The following TMEM74 variants were observed in gnomAD, a reference collection of about 807,000 sequenced individuals.
The protein encoded by TMEM74 is transmembrane protein 74.
A neutral mutation model predicts 18.1 loss-of-function variants in TMEM74; 13 were observed. The ratio of observed to expected loss-of-function variants is 0.72; its 90% CI spans 0.47 to 1.14. The LOEUF is 1.14. Ranked by LOEUF, TMEM74 falls within the 50% of genes most tolerant of loss-of-function variation. The pLI, the probability that TMEM74 is intolerant of heterozygous loss-of-function variation, is 0.00. For synonymous variants in TMEM74, 159 were observed against 146.6 expected (o/e 1.08, Z -0.61); for missense variants, 372 against 375.9 (o/e 0.99, Z 0.09).
intron 2 of TMEM74, among the ~76,000 whole-genome samples, chr8:108,639,518 G>A (rs1812641922): frequency 6.6e-6 from 1 of 152,054 alleles, no homozygotes; most frequent in South Asian, 2.1e-4. Context: ...CTTCTGAAAG[G>A]GCAGACATGA....
intron 1 of TMEM74, among the ~76,000 whole-genome samples, chr8:108,720,757 A>T (rs116231492): frequency 0.015 from 765 of 49,536 alleles, 10 homozygotes; most frequent in African/African-American, 0.047. Context: ...TTTATTTATT[A>T]GTTTGTTTGT....
chr8:108,739,326 T>G (rs1271768020), intron 1 of TMEM74, among the ~76,000 whole-genome samples: 2 of 152,172 alleles, frequency 1.3e-5, no homozygotes, highest in Non-Finnish European at 2.9e-5. Flanking sequence ...TACAGTCTCA[T>G]GGTGCATTCT....
At chr8:108,665,742 A>G (rs1471352067) in intron 1 of TMEM74, among the ~76,000 whole-genome samples, 1 of 152,154 alleles carries the variant, frequency 6.6e-6, no homozygotes, top group Non-Finnish European at 1.5e-5. Flanking sequence ...GCAAAGGCTT[A>G]ATACTTCTTT....
chr8:108,771,043 C>A (rs966414652), intron 1 of TMEM74, among the ~76,000 whole-genome samples: 58 of 152,156 alleles, frequency 3.8e-4, no homozygotes, highest in African/African-American at 1.4e-3. Context: ...TAACTGAGTT[C>A]TTCAGGTTGC....
intron 1 of TMEM74, among the ~76,000 whole-genome samples, chr8:108,667,800 C>T (rs1812963788): frequency 6.6e-6 from 1 of 152,114 alleles, no homozygotes; most frequent in Non-Finnish European, 1.5e-5. Context: ...TACCTACACC[C>T]TCCCAGCCCC....
chr8:108,749,529 A>G (rs1368094375), intron 1 of TMEM74, among the ~76,000 whole-genome samples: 2 of 152,180 alleles, frequency 1.3e-5, no homozygotes, highest in African/African-American at 4.8e-5. Context: ...GAAGTTGCCT[A>G]TCAGCTTAAG....
chr8:108,700,772 A>G (rs1255256179), intron 1 of TMEM74, among the ~76,000 whole-genome samples: 1 of 152,212 alleles, frequency 6.6e-6, no homozygotes, highest in African/African-American at 2.4e-5. Context: ...GAAGTGAGTG[A>G]CTGTGCTCAG....
At chr8:108,787,418 C>T (rs1156556803) in intron 1 of TMEM74, 58 bp downstream of exon 1, 2 of 152,380 alleles carry the variant, frequency 1.3e-5, no homozygotes, top group African/African-American at 4.8e-5. Context: ...CTGCTAGGCT[C>T]CAGGGCTCTC....
rs1258418791 is a variant in TMEM74, at chr8:108,780,438, C to A, written c.*3743G>T. Reference sequence around the variant, plus strand: ...AAAAAATAGAGCCATTGGGTTCAGGCTTTTAATTCTCAATATTTAACTAGC... The same window carrying A: ...AAAAAATAGAGCCATTGGGTTCAGGATTTTAATTCTCAATATTTAACTAGC... On this transcript the variant is annotated 3_prime_UTR_variant, in exon 2 of 2. Coordinates refer to ENST00000297459, the MANE Select transcript of TMEM74 (RefSeq NM_153015.3). 6.6e-6 allele frequency among the ~76,000 whole-genome samples: 1 copy of A among 152,110 alleles called. No individual in the cohort carries two copies. Among genetic ancestry groups the A allele is most frequent in the Non-Finnish European group, 1.5e-5 (1 of 68,010 alleles).
chr8:108,739,458 C>A (rs1197699136), intron 1 of TMEM74, among the ~76,000 whole-genome samples: 1 of 152,176 alleles, frequency 6.6e-6, no homozygotes, highest in Non-Finnish European at 1.5e-5. Context: ...ACAGTTCAGA[C>A]CCTTGGGGTG....
In TMEM74 at chr8:108,784,507, C is replaced by T. The variant is rs919206777; in HGVS notation, c.592G>A (p.Val198Ile). The T allele has an allele frequency of 3.7e-6, 6 of 1,614,010 alleles. No individual in the cohort carries two copies. The highest frequency in any genetic ancestry group is 2.7e-5 in the African/African-American group (2 of 74,888). Residue 198 changes from valine to isoleucine, a missense_variant, in exon 2 of 2, where the codon GTC becomes ATC. Coordinates refer to ENST00000297459, the MANE Select transcript of TMEM74 (RefSeq NM_153015.3). ...GILLVIISYI[V>I]PREVTVDPNT... is the part of the protein sequence containing the mutation. ...GGGTCCACAGTCACTTCCCGTGGGA[C>T]GATGTAAGAGATGATCACGAGCAGG... is the stretch of plus-strand genomic sequence containing the variant.
At chr8:108,626,503 C>T (rs975999924) in intron 2 of TMEM74, 5 of 151,978 alleles carry the variant, frequency 3.3e-5, no homozygotes, top group African/African-American at 1.2e-4. Context: ...AAGAGCAAGT[C>T]GTTTATTGGT....
chr8:108,729,323 T>G (rs907830577), intron 1 of TMEM74, among the ~76,000 whole-genome samples: 1 of 152,180 alleles, frequency 6.6e-6, no homozygotes, highest in Non-Finnish European at 1.5e-5. Flanking sequence ...CAATGATTGG[T>G]CAAGTCCCTC....
chr8:108,613,953 A>G (rs898270940), intron 2 of TMEM74, among the ~76,000 whole-genome samples: 1 of 151,658 alleles, frequency 6.6e-6, no homozygotes, highest in African/African-American at 2.4e-5. Context: ...ATTTCCTTGT[A>G]TTATTGTATG....
intron 1 of TMEM74, among the ~76,000 whole-genome samples, chr8:108,756,696 G>GAAAGAAAGAAAGA (rs1471021593): frequency 1.0e-5 from 1 of 97,916 alleles, no homozygotes; most frequent in Non-Finnish European, 1.8e-5. Flanking sequence ...AAGAAAGAAA[G>GAAAGAAAGAAAGA]AAGGAAGGAA....
chr8:108,705,114 T>C (rs1813384553), intron 1 of TMEM74, among the ~76,000 whole-genome samples: 1 of 152,254 alleles, frequency 6.6e-6, no homozygotes, highest in Non-Finnish European at 1.5e-5. Flanking sequence ...TTAACATATT[T>C]ATACAGCCCA....
intron 2 of TMEM74, among the ~76,000 whole-genome samples, chr8:108,636,680 T>C (rs973071212): frequency 6.6e-6 from 1 of 151,962 alleles, no homozygotes; most frequent in Admixed American, 6.6e-5. Flanking sequence ...CCCCATCAAG[T>C]TTCTGGACAC....
downstream of TMEM74, among the ~76,000 whole-genome samples, chr8:108,777,571 T>C (rs1358966112): frequency 6.6e-6 from 1 of 152,230 alleles, no homozygotes; most frequent in Non-Finnish European, 1.5e-5. Context: ...ATCACAAGCC[T>C]GCTATTTTCT....
chr8:108,607,903 C>G (rs963749241), intron 3 of TMEM74: 1 of 152,054 alleles, frequency 6.6e-6, no homozygotes, highest in Non-Finnish European at 1.5e-5. Context: ...CTAGTTCTAT[C>G]GAGATCTAAG....
Sources: gnomAD v4.1 joint callset for allele counts (sites outside exome capture counted in the v4.1 genomes callset) on GRCh38, gnomAD v4.1.1 for gene constraint, MANE v1.5 for transcripts, NCBI Gene and HGNC (gene_info 2026-07-23, HGNC 2026-07-21) for gene names.